Variants in FRMD4A observed in about 807,000 individuals in gnomAD.
The protein encoded by FRMD4A is FERM domain-containing protein 4A.
Under a neutral mutation model 129.1 loss-of-function variants are expected in FRMD4A, and 29 were observed. That is an observed-to-expected ratio of 0.22 (90% CI 0.17 to 0.31). The LOEUF is 0.31. Among genes scored for constraint, FRMD4A ranks in the 10% least tolerant of loss-of-function variants. The pLI is 1.00. For synonymous variants in FRMD4A, 634 were observed against 571.6 expected (o/e 1.11, Z -1.56); for missense variants, 1,272 against 1,375.8 (o/e 0.92, Z 1.19).
intron 2 of FRMD4A, among the ~76,000 whole-genome samples, chr10:13,964,674 G>GTTT: frequency 7.8e-6 from 1 of 128,292 alleles, no homozygotes; most frequent in East Asian, 2.1e-4. Flanking sequence ...CTCTTCTTTT[G>GTTT]TTTTTTTTTT....
At chr10:13,694,380 C>T (rs914016690) in intron 14 of FRMD4A, among the ~76,000 whole-genome samples, 2 of 152,248 alleles carry the variant, frequency 1.3e-5, no homozygotes, top group East Asian at 3.9e-4. Flanking sequence ...AGGGTAGATG[C>T]CACTCACCAC....
chr10:13,834,137 G>T (rs2093835392), intron 3 of FRMD4A, among the ~76,000 whole-genome samples: 1 of 152,116 alleles, frequency 6.6e-6, no homozygotes, highest in African/African-American at 2.4e-5. Flanking sequence ...GGTGGTGGGT[G>T]ACTGTAATTC....
At chr10:14,208,810 A>AT (rs1325835526) in intron 2 of FRMD4A, among the ~76,000 whole-genome samples, 2 of 152,140 alleles carry the variant, frequency 1.3e-5, no homozygotes, top group Non-Finnish European at 2.9e-5. Context: ...CCTGGTTCCC[A>AT]TTCCCGGATC....
intron 9 of FRMD4A, among the ~76,000 whole-genome samples, chr10:13,745,595 T>C (rs116560469): frequency 0.014 from 2,095 of 152,232 alleles, 42 homozygotes; most frequent in African/African-American, 0.047. Context: ...TTAGTAATCA[T>C]GTGTGAGTAC....
At chr10:14,008,435 C>CAGCT in intron 2 of FRMD4A, 1 of 1,008,872 alleles carries the variant, frequency 9.9e-7, no homozygotes. Flanking sequence ...TCCCTCTGCA[C>CAGCT]AGCTGGCTCA....
At chr10:13,965,270 C>A (rs1483743548) in intron 2 of FRMD4A, among the ~76,000 whole-genome samples, 1 of 152,162 alleles carries the variant, frequency 6.6e-6, no homozygotes, top group Non-Finnish European at 1.5e-5. Flanking sequence ...GACTAGAGAT[C>A]TTATCAAGAT....
At chr10:13,986,994 G>T (rs1401090271) in intron 2 of FRMD4A, among the ~76,000 whole-genome samples, 1 of 152,086 alleles carries the variant, frequency 6.6e-6, no homozygotes, top group Non-Finnish European at 1.5e-5. Context: ...TTTCAAACAG[G>T]TTACCAGGAG....
At chr10:13,857,314 C>T (rs1462210322) in intron 3 of FRMD4A, among the ~76,000 whole-genome samples, 2 of 151,534 alleles carry the variant, frequency 1.3e-5, no homozygotes, top group African/African-American at 4.9e-5. Context: ...ACAGTATTAC[C>T]ATAACTTAGA....
intron 2 of FRMD4A, among the ~76,000 whole-genome samples, chr10:14,105,283 T>C (rs1186071410): frequency 6.6e-6 from 1 of 152,166 alleles, no homozygotes; most frequent in Non-Finnish European, 1.5e-5. Flanking sequence ...GTTTGTTAGA[T>C]GGCTGGGCAT....
intron 2 of FRMD4A, among the ~76,000 whole-genome samples, chr10:13,954,466 G>T (rs944616140): frequency 1.3e-5 from 2 of 152,054 alleles, no homozygotes; most frequent in East Asian, 3.9e-4. Flanking sequence ...GGAAAGATCC[G>T]CCCCCATGAT....
chr10:14,266,953 CTCTT>C (rs1427477395), intron 2 of FRMD4A, among the ~76,000 whole-genome samples: 5 of 152,182 alleles, frequency 3.3e-5, no homozygotes, highest in African/African-American at 4.8e-5. Flanking sequence ...AAGAACAAGA[CTCTT>C]TCTTCTTTGG....
At chr10:14,094,306 T>G (rs905462228) in intron 2 of FRMD4A, among the ~76,000 whole-genome samples, 8 of 152,220 alleles carry the variant, frequency 5.3e-5, no homozygotes, top group African/African-American at 1.9e-4. Flanking sequence ...TGATGAGGCC[T>G]GTGCAGGAGC....
intron 2 of FRMD4A, among the ~76,000 whole-genome samples, chr10:14,092,322 G>A (rs1305704421): frequency 6.6e-6 from 1 of 152,212 alleles, no homozygotes; most frequent in Non-Finnish European, 1.5e-5. Flanking sequence ...GTGATTGAAA[G>A]CATTTCACTC....
chr10:14,127,312 C>T (rs1043098859), intron 2 of FRMD4A, among the ~76,000 whole-genome samples: 8 of 152,218 alleles, frequency 5.3e-5, no homozygotes, highest in African/African-American at 1.9e-4. Context: ...AGTGCTGGCT[C>T]TCACCTGACC....
chr10:14,016,468 C>T (rs969495744), intron 2 of FRMD4A, among the ~76,000 whole-genome samples: 16 of 152,218 alleles, frequency 1.1e-4, no homozygotes, highest in Admixed American at 8.5e-4. Context: ...CTGCACTTCA[C>T]CGTCTAGCCA....
chr10:13,742,750 CAAATA>C (rs929406914), intron 9 of FRMD4A, among the ~76,000 whole-genome samples: 10 of 152,180 alleles, frequency 6.6e-5, no homozygotes, highest in Admixed American at 3.3e-4. Flanking sequence ...CTCCTGACCT[CAAATA>C]ATCTGCCCAT....
chr10:13,649,133 C>T (rs1367526746), intron 24 of FRMD4A: 2 of 150,438 alleles, frequency 1.3e-5, no homozygotes, highest in Non-Finnish European at 2.9e-5. Context: ...GTAGTTGACT[C>T]TCTTGTATGT....
At chr10:14,329,146 A>G (rs539614981) in intron 2 of FRMD4A, among the ~76,000 whole-genome samples, 2 of 152,306 alleles carry the variant, frequency 1.3e-5, no homozygotes, top group South Asian at 2.1e-4. Flanking sequence ...TCCCCTCCTC[A>G]TTCCGAAGAC....
chr10:13,775,420 G>C (rs186892629), intron 6 of FRMD4A, among the ~76,000 whole-genome samples: 1 of 152,168 alleles, frequency 6.6e-6, no homozygotes, highest in Admixed American at 6.5e-5. Context: ...GGTATTCTGA[G>C]AGAAATTTTT....
Sources: gnomAD v4.1 joint callset for allele counts (sites outside exome capture counted in the v4.1 genomes callset) on GRCh38, gnomAD v4.1.1 for gene constraint, MANE v1.5 for transcripts, NCBI Gene and HGNC (gene_info 2026-07-23, HGNC 2026-07-21) for gene names.